SHISA6: variants seen among roughly 807,000 people sequenced by gnomAD.
SHISA6 encodes shisa family member 6.
Under a neutral mutation model 47.9 loss-of-function variants are expected in SHISA6, and 22 were observed. The observed-to-expected ratio is 0.46, with a 90% CI of 0.33 to 0.66. The LOEUF (loss-of-function observed/expected upper bound fraction) is 0.66, where lower values mean the gene tolerates loss of function less well. SHISA6 is among the 30% of genes least tolerant of loss of function. The pLI, the probability that SHISA6 is intolerant of heterozygous loss-of-function variation, is 0.02. For synonymous variants in SHISA6, 388 were observed against 337.8 expected, an observed-to-expected ratio of 1.15 and a Z score of -1.63; for missense variants, 680 against 764.6, an observed-to-expected ratio of 0.89 and a Z score of 1.30.
At chr17:11,354,494 T>C (rs990938937) in intron 2 of SHISA6, among the ~76,000 whole-genome samples, 10 of 152,326 alleles carry the variant, frequency 6.6e-5, no homozygotes, top group Admixed American at 5.2e-4. Flanking sequence ...TCCGACCTCA[T>C]GTTCCATTCT....
chr17:11,469,147 T>A (rs1284300491), intron 3 of SHISA6, among the ~76,000 whole-genome samples: 1 of 151,028 alleles, frequency 6.6e-6, no homozygotes, highest in Non-Finnish European at 1.5e-5. Flanking sequence ...GCCCCAAAGA[T>A]GTCCACTTCC....
intron 2 of SHISA6, among the ~76,000 whole-genome samples, chr17:11,331,072 C>T (rs1021098751): frequency 6.6e-6 from 1 of 152,148 alleles, no homozygotes; most frequent in Non-Finnish European, 1.5e-5. Flanking sequence ...GAGTCAGATT[C>T]CCCCATCTGG....
chr17:11,323,484 G>A lies in SHISA6; in HGVS notation c.800-55930G>A, dbSNP rs1015084688. The stretch of plus-strand genomic sequence containing the variant: ...AGCCTGACCAACATGGAGAAACCCC[G>A]TCTCTACTAAAAATACAAAATTAAC... On this transcript the variant is annotated intron_variant, in intron 2 of 5. Transcript: ENST00000441885. Among the ~76,000 whole-genome samples the A allele has an allele frequency of 4.6e-5, 7 of 151,890 alleles. No homozygotes were observed. In the East Asian group the frequency reaches 5.8e-4, roughly 13 times the overall value.
intron 3 of SHISA6, among the ~76,000 whole-genome samples, chr17:11,490,595 G>A (rs897767901): frequency 6.6e-6 from 1 of 152,142 alleles, no homozygotes; most frequent in African/African-American, 2.4e-5. Flanking sequence ...GCCCACATGC[G>A]CTACTACGTT....
chr17:11,306,847 A>C (rs1448060015), intron 2 of SHISA6, among the ~76,000 whole-genome samples: 2 of 152,144 alleles, frequency 1.3e-5, no homozygotes, highest in Non-Finnish European at 2.9e-5. Flanking sequence ...TCTTTGACCT[A>C]TCCCCATCTC....
intron 3 of SHISA6, among the ~76,000 whole-genome samples, chr17:11,385,724 G>A (rs1054686367): frequency 3.9e-5 from 6 of 152,088 alleles, no homozygotes; most frequent in Non-Finnish European, 7.4e-5. Context: ...TGGAGCCATA[G>A]GGCACCCCAA....
chr17:11,552,300 A>G (rs2071938779), intron 4 of SHISA6, among the ~76,000 whole-genome samples: 2 of 152,190 alleles, frequency 1.3e-5, no homozygotes, highest in Non-Finnish European at 2.9e-5. Flanking sequence ...GCTATTTGTG[A>G]TATCATTTAC....
rs1915684917 is a variant in SHISA6 at position 11,461,393 on chromosome 17, T to C, written c.895+81884T>C. ...GCCTGGGCAACAGAGCAAGACTCCA[T>C]CTCAAAAAAAAAAAAAAAAAAAAAA... On this transcript the variant is annotated intron_variant, in intron 3 of 5. Coordinates refer to ENST00000441885, the MANE Select transcript of SHISA6 (RefSeq NM_207386.4). 2.1e-5 allele frequency among the ~76,000 whole-genome samples: 2 copies of C among 94,562 alleles called. 1 individual carries two copies. The highest frequency in any genetic ancestry group is 9.4e-5 in the African/African-American group (2 of 21,246). The allele number at this position is 94,562 out of a possible 152,430, so 62.0% of individuals were successfully genotyped here.
At chr17:11,552,171 A>T (rs76181615) in intron 4 of SHISA6, among the ~76,000 whole-genome samples, 2,719 of 152,268 alleles carry the variant, frequency 0.018, 80 homozygotes, top group East Asian at 0.069. Context: ...TATCAGAATG[A>T]TCTCTTGACA....
intron 2 of SHISA6, among the ~76,000 whole-genome samples, chr17:11,340,905 T>G (rs1374565461): frequency 6.6e-6 from 1 of 152,182 alleles, no homozygotes; most frequent in Non-Finnish European, 1.5e-5. Context: ...GGATACAGAT[T>G]GGATCTGGGA....
rs1411330355 is a variant in SHISA6, at chr17:11,558,457, C to G, written c.*153C>G. On this transcript the variant is annotated 3_prime_UTR_variant, in exon 6 of 6. Transcript: ENST00000441885. ...CCACCTTTGCCCAAAAAGCCATACCCCCGGGGACACAGCCCCGATGGCCTG... is the reference window on the plus strand; with the variant it reads ...CCACCTTTGCCCAAAAAGCCATACCGCCGGGGACACAGCCCCGATGGCCTG... 2 of 810,984 alleles carry G rather than the reference C, an allele frequency of 2.5e-6. No individual in the cohort carries two copies. The highest frequency in any genetic ancestry group is 2.8e-5 in the Admixed American group (1 of 35,818). 50.2% of individuals were successfully genotyped at this position (810,984 alleles called of 1,614,324 possible). A position where few individuals can be genotyped will look rare whatever the true frequency, so the allele number is the denominator to read the frequency against.
intron 3 of SHISA6, among the ~76,000 whole-genome samples, chr17:11,419,720 G>T (rs1048736053): frequency 3.3e-5 from 5 of 152,130 alleles, no homozygotes; most frequent in African/African-American, 9.7e-5. Flanking sequence ...TGGTAGGGAG[G>T]GGGTACAGAA....
intron 3 of SHISA6, among the ~76,000 whole-genome samples, chr17:11,438,855 T>C (rs1915016924): frequency 6.6e-6 from 1 of 152,022 alleles, no homozygotes; most frequent in Non-Finnish European, 1.5e-5. Flanking sequence ...GATGATGCGG[T>C]AGGAGTTATG....
Position 11,559,536 on chromosome 17 carries a change from T to C in SHISA6, c.*1232T>C. 1 of 153,038 alleles carries C rather than the reference T, an allele frequency of 6.5e-6. No individual in the cohort carries two copies. The highest frequency in any genetic ancestry group is 1.5e-5 in the Non-Finnish European group (1 of 68,556). The allele number at this position is 153,038 out of a possible 1,614,324, so 9.5% of individuals were successfully genotyped here. A position where few individuals can be genotyped will look rare whatever the true frequency, so the allele number is the denominator to read the frequency against. ...GATCACTCCTACTGCCTGTGTCCCC[T>C]TCCCCCACATCCTCCCTGCAACTTT... On this transcript the variant is annotated 3_prime_UTR_variant, in exon 6 of 6. Coordinates refer to ENST00000441885, the MANE Select transcript of SHISA6 (RefSeq NM_207386.4). The surrounding 1 kb of genome is among the most constrained non-coding windows in gnomAD (Gnocchi z 4.4).
chr17:11,275,396 A>G (rs577105903), intron 2 of SHISA6, among the ~76,000 whole-genome samples: 7 of 152,212 alleles, frequency 4.6e-5, no homozygotes, highest in Admixed American at 2.0e-4. Flanking sequence ...AGAGCCAGAG[A>G]AGGAGGATGG....
intron 5 of SHISA6, 57 bp from the exon 6 acceptor site, chr17:11,557,697 A>C: frequency 6.8e-7 from 1 of 1,470,762 alleles, no homozygotes; most frequent in South Asian, 1.4e-5. Context: ...GTTCTATCTG[A>C]GTCCTGGCTG....
At chr17:11,546,269 A>AAC (rs1486875220) in intron 3 of SHISA6, among the ~76,000 whole-genome samples, 4 of 152,162 alleles carry the variant, frequency 2.6e-5, no homozygotes, top group African/African-American at 9.7e-5. Context: ...GACTTAGGTT[A>AAC]AGTCAAGCAC....
At chr17:11,313,990 GGTA>G (rs2142189284) in intron 2 of SHISA6, among the ~76,000 whole-genome samples, 1 of 152,252 alleles carries the variant, frequency 6.6e-6, no homozygotes, top group East Asian at 1.9e-4. Context: ...AGGCAAAAGA[GGTA>G]TCTGGGAGTC....
chr17:11,282,141 T>A (rs976806274), intron 2 of SHISA6, among the ~76,000 whole-genome samples: 1 of 152,216 alleles, frequency 6.6e-6, no homozygotes, highest in Non-Finnish European at 1.5e-5. Flanking sequence ...CCACAGAAGC[T>A]GCTTCCCCAA....
Sources: allele counts gnomAD v4.1 joint callset (sites outside exome capture counted in the v4.1 genomes callset), GRCh38; gene constraint gnomAD v4.1.1; non-coding constraint Gnocchi (gnomAD v3.1); transcripts MANE v1.5; gene names NCBI Gene and HGNC (gene_info 2026-07-23, HGNC 2026-07-21).